Variants in RHBDD1 observed in about 807,000 individuals in gnomAD.
RHBDD1 encodes the protein rhomboid domain containing 1.
Under a neutral mutation model 36.3 loss-of-function variants are expected in RHBDD1, and 38 were observed. The observed-to-expected ratio is 1.05, with a 90% CI of 0.81 to 1.37. The LOEUF is 1.37. RHBDD1 is among the 40% of genes most tolerant of loss of function. RHBDD1 has a pLI of 0.00. For missense variants in RHBDD1, 393 were observed against 377.6 expected, an observed-to-expected ratio of 1.04 and a Z score of -0.34; for synonymous variants, 151 against 136.5, an observed-to-expected ratio of 1.11 and a Z score of -0.74.
chr2:226,834,311 C>G (rs1940815317), upstream of RHBDD1, among the ~76,000 whole-genome samples: 1 of 152,214 alleles, frequency 6.6e-6, no homozygotes, highest in African/African-American at 2.4e-5. Flanking sequence ...ACATTTCCCC[C>G]TCTAGGGAAA....
intron 3 of RHBDD1, among the ~76,000 whole-genome samples, chr2:226,855,222 T>C (rs1429190945): frequency 1.3e-5 from 2 of 152,222 alleles, no homozygotes; most frequent in Admixed American, 6.5e-5. Flanking sequence ...AACTCTAGGT[T>C]TGAGCTTGGG....
chr2:226,977,466 G>C (rs897223375), intron 8 of RHBDD1, among the ~76,000 whole-genome samples: 4 of 152,180 alleles, frequency 2.6e-5, no homozygotes, highest in African/African-American at 4.8e-5. Flanking sequence ...CTTAGATGTC[G>C]GTATTTTGTG....
chr2:226,978,350 TG>T (rs2149399370), intron 8 of RHBDD1, among the ~76,000 whole-genome samples: 1 of 152,274 alleles, frequency 6.6e-6, no homozygotes, highest in South Asian at 2.1e-4. Flanking sequence ...AGCCACTAGT[TG>T]GAGTAGAGAA....
intron 8 of RHBDD1, among the ~76,000 whole-genome samples, chr2:226,981,431 ACTT>A (rs1274441932): frequency 1.3e-5 from 2 of 151,660 alleles, no homozygotes; most frequent in African/African-American, 2.4e-5. Context: ...AGCTCATTGA[ACTT>A]CAAAAAAAAA....
At chr2:226,831,789 TAGGA>T (rs1940746797), upstream of RHBDD1, among the ~76,000 whole-genome samples, 1 of 152,174 alleles carries the variant, frequency 6.6e-6, no homozygotes, top group Admixed American at 6.5e-5. Context: ...TGTGTCTGTC[TAGGA>T]ATTTGTCCAA....
At chr2:226,931,028 T>C (rs887555341) in intron 8 of RHBDD1, among the ~76,000 whole-genome samples, 3 of 152,068 alleles carry the variant, frequency 2.0e-5, no homozygotes, top group Non-Finnish European at 2.9e-5. Context: ...GGAATGCTTA[T>C]ACACTGATGG....
chr2:226,968,626 G>A (rs371464122), intron 8 of RHBDD1, among the ~76,000 whole-genome samples: 3 of 152,152 alleles, frequency 2.0e-5, no homozygotes, highest in Non-Finnish European at 2.9e-5. Flanking sequence ...AAAGAGCATC[G>A]CACTTGGAGA....
intron 3 of RHBDD1, among the ~76,000 whole-genome samples, chr2:226,854,810 A>G (rs1008525506): frequency 2.0e-5 from 3 of 152,142 alleles, no homozygotes; most frequent in African/African-American, 4.8e-5. Flanking sequence ...GAATATAGAA[A>G]GTCATTGAGT....
intron 8 of RHBDD1, chr2:226,914,572 G>C (rs1948763962): frequency 3.0e-6 from 1 of 332,268 alleles, no homozygotes; most frequent in East Asian, 5.1e-5. Context: ...TTGTTAAAGT[G>C]GTTCTTTTTA....
At chr2:226,955,722 C>T (rs1273202416) in intron 8 of RHBDD1, among the ~76,000 whole-genome samples, 1 of 152,250 alleles carries the variant, frequency 6.6e-6, no homozygotes, top group Non-Finnish European at 1.5e-5. Context: ...TGTCTTCTCA[C>T]TGTGTCCTCA....
chr2:226,946,488 A>G (rs1951001301), intron 8 of RHBDD1, among the ~76,000 whole-genome samples: 1 of 152,174 alleles, frequency 6.6e-6, no homozygotes, highest in Non-Finnish European at 1.5e-5. Context: ...AGAAATTACT[A>G]AGATCAGAGC....
intron 8 of RHBDD1, among the ~76,000 whole-genome samples, chr2:226,923,735 A>G (rs764358700): frequency 6.6e-6 from 1 of 151,974 alleles, no homozygotes; most frequent in Non-Finnish European, 1.5e-5. Context: ...TGTGTTTTCA[A>G]ATAGCCTGTC....
At chr2:226,813,204 A>G in the RHBDD1 span, among the ~76,000 whole-genome samples, 15 of 152,254 alleles carry the variant, frequency 9.9e-5, no homozygotes, top group Non-Finnish European at 8.8e-5. Flanking sequence ...GGCTAACAAT[A>G]CAAACCACAC....
intron 4 of RHBDD1, 74 bp from the exon 5 acceptor site, chr2:226,867,112 T>A: frequency 7.2e-7 from 1 of 1,393,254 alleles, no homozygotes. Flanking sequence ...TCACTTTTAA[T>A]TAACTTTCTT....
At chr2:226,909,527 C>G (rs769738798) in intron 7 of RHBDD1, among the ~76,000 whole-genome samples, 1 of 152,022 alleles carries the variant, frequency 6.6e-6, no homozygotes, top group South Asian at 2.1e-4. Context: ...TGAATGTGCC[C>G]GTCCCCAAAT....
chr2:226,940,181 A>G (rs898092171), intron 8 of RHBDD1, among the ~76,000 whole-genome samples: 4 of 152,144 alleles, frequency 2.6e-5, no homozygotes, highest in African/African-American at 9.7e-5. Context: ...AACCTAGGCA[A>G]TTGTTGGGAT....
intron 8 of RHBDD1, among the ~76,000 whole-genome samples, chr2:226,952,051 C>A (rs2149222249): frequency 6.6e-6 from 1 of 152,284 alleles, no homozygotes; most frequent in Middle Eastern, 3.4e-3. Context: ...AAATCAGAAT[C>A]TGTAGCTAGT....
At chr2:226,945,968 G>A (rs1950970913) in intron 8 of RHBDD1, among the ~76,000 whole-genome samples, 1 of 152,192 alleles carries the variant, frequency 6.6e-6, no homozygotes, top group East Asian at 1.9e-4. Context: ...AGAAGTGTCT[G>A]TCATAACCTT....
At chr2:226,981,563 CACACAT>C (rs904633788) in intron 8 of RHBDD1, among the ~76,000 whole-genome samples, 23 of 89,510 alleles carry the variant, frequency 2.6e-4, no homozygotes, top group African/African-American at 1.6e-3. Flanking sequence ...TCCACATGCA[CACACAT>C]ACACACACAC....
Sources: gnomAD v4.1 joint callset for allele counts (sites outside exome capture counted in the v4.1 genomes callset) on GRCh38, gnomAD v4.1.1 for gene constraint, MANE v1.5 for transcripts, NCBI Gene and HGNC (gene_info 2026-07-23, HGNC 2026-07-21) for gene names.